The following PNISR variants were observed in gnomAD, a reference collection of about 807,000 sequenced individuals.
PNISR encodes PNN interacting serine and arginine rich protein.
Under a neutral mutation model 93.4 loss-of-function variants are expected in PNISR, and 20 were observed. The observed-to-expected ratio is 0.21, with a 90% confidence interval of 0.15 to 0.31. The LOEUF is 0.31. Among genes scored for constraint, PNISR ranks in the 10% least tolerant of loss-of-function variants. The pLI is 1.00. For synonymous variants in PNISR, 305 were observed against 306.5 expected (o/e 0.99, Z 0.05); for missense variants, 893 against 985.4 (o/e 0.91, Z 1.25).
At chr6:99,409,618 A>C in intron 5 of PNISR, 1 of 295,774 alleles carries the variant, frequency 3.4e-6, no homozygotes, top group South Asian at 5.8e-5. Context: ...GAATCCATTT[A>C]CAAGCTAATC....
chr6:99,419,909 G>T (rs1207191203), intron 1 of PNISR, among the ~76,000 whole-genome samples: 2 of 149,156 alleles, frequency 1.3e-5, no homozygotes, highest in Non-Finnish European at 3.0e-5. Context: ...TTTTGAGATG[G>T]AGTCTCGCTT....
rs1352047902 is a variant in PNISR at position 99,401,479 on chromosome 6, T to C, written c.1479A>G (p.Leu493=). The C allele has an allele frequency of 6.2e-7, 1 of 1,612,462 alleles. No homozygotes were observed. Among genetic ancestry groups the C allele is most frequent in the Non-Finnish European group, 8.5e-7 (1 of 1,179,648 alleles). ...TTTCTTTATGCTCTTTTTTTGGTTC[T>C]AAAACTGATGTGGTTTCATTTGGAG... ...KRTPNETTSV[L]EPKKEHKEKE... is the part of the protein sequence containing the mutation. The change falls in exon 12 of 12, where the codon TTA becomes TTG. Residue 493 remains leucine, a synonymous_variant. Transcript: ENST00000369239.
chr6:99,409,592 T>C (rs2128485025), intron 5 of PNISR: 2 of 347,028 alleles, frequency 5.8e-6, no homozygotes, highest in South Asian at 5.4e-5. Flanking sequence ...AAGAAGTATA[T>C]GAAATTTTTC....
chr6:99,403,046 A>C (rs1306353651), intron 10 of PNISR: 1 of 170,004 alleles, frequency 5.9e-6, no homozygotes, highest in Non-Finnish European at 1.2e-5. Context: ...TGACCCTGAA[A>C]GTATTTCTAA....
chr6:99,422,950 A>T (rs1283980592), intron 1 of PNISR, among the ~76,000 whole-genome samples: 1 of 151,918 alleles, frequency 6.6e-6, no homozygotes, highest in Non-Finnish European at 1.5e-5. Context: ...ATAATTTAAA[A>T]ATAAATGTAG....
At position 99,401,123 on chromosome 6, in the gene PNISR, G is replaced by T; in HGVS notation, c.1835C>A (p.Pro612His). Residue 612 changes from proline (P) to histidine (H), a missense_variant, in exon 12 of 12, where the codon CCT (proline) becomes CAT (histidine). Pro to His is a moderately conservative substitution (Grantham distance 77). Around this residue, in one of 3 missense-constraint regions of PNISR, gnomAD observed 866 missense variants for 935.1 expected, o/e 0.93. Transcript: ENST00000369239. Reference protein sequence around the residue: ...IERERRRNRSPSRERRRSRSR... With the variant: ...IERERRRNRSHSRERRRSRSR... ...TCTACTTCTACGTCTCTCTCGGGAA[G>T]GACTCCGATTTCGTCGTCTTTCTCT... 1 of 1,613,844 alleles carries T rather than the reference G, an allele frequency of 6.2e-7. No homozygotes were observed. Among genetic ancestry groups the T allele is most frequent in the Non-Finnish European group, 8.5e-7 (1 of 1,179,986 alleles).
intron 5 of PNISR, chr6:99,410,040 A>G (rs1210047216): frequency 2.6e-5 from 4 of 152,264 alleles, no homozygotes; most frequent in Non-Finnish European, 5.9e-5. Flanking sequence ...TCCATTATCA[A>G]ATCTACCCTA....
intron 10 of PNISR, 39 bp from the exon 11 acceptor site, chr6:99,402,749 T>C: frequency 1.4e-6 from 2 of 1,450,750 alleles, no homozygotes; most frequent in Non-Finnish European, 1.8e-6. Flanking sequence ...TGAAAAAAAT[T>C]ATACTATGCA....
chr6:99,408,809 T>A (rs1776475740), intron 6 of PNISR, among the ~76,000 whole-genome samples: 1 of 152,152 alleles, frequency 6.6e-6, no homozygotes, highest in Admixed American at 6.6e-5. Flanking sequence ...CAGCAGTGCA[T>A]CAGATGAACT....
rs1486891491 is a variant in PNISR at position 99,399,339 on chromosome 6, A to T, written c.*1201T>A. The T allele has an allele frequency of 6.6e-6, 1 of 152,096 alleles. No individual in the cohort carries two copies. Among genetic ancestry groups the T allele is most frequent in the African/African-American group, 2.4e-5 (1 of 41,430 alleles). 9.4% of individuals were successfully genotyped at this position (152,096 alleles called of 1,614,324 possible). A position where few individuals can be genotyped will look rare whatever the true frequency, so the allele number is the denominator to read the frequency against. On this transcript the variant is annotated 3_prime_UTR_variant, in exon 12 of 12. Transcript: ENST00000369239. ...CCTTAAACTGTTAGACCACTCACTA[A>T]TCATAATTTTAAGAAACGGACAAAA...
At chr6:99,413,742 A>C (rs1248551260) in intron 3 of PNISR, among the ~76,000 whole-genome samples, 1 of 151,438 alleles carries the variant, frequency 6.6e-6, no homozygotes, top group Non-Finnish European at 1.5e-5. Context: ...AAGTAGAATA[A>C]GATATGTTTT....
rs1775095215 is a variant in PNISR at position 99,398,309 on chromosome 6, C to G, written c.*2231G>C. The G allele has an allele frequency of 6.6e-6, 1 of 152,132 alleles. No homozygotes were observed. The highest frequency in any genetic ancestry group is 6.5e-5 in the Admixed American group (1 of 15,280). 9.4% of individuals were successfully genotyped at this position (152,132 alleles called of 1,614,324 possible). A position where few individuals can be genotyped will look rare whatever the true frequency, so the allele number is the denominator to read the frequency against. ...TATTATTTTAGAAAAGATTTCATAA[C>G]CAAATTATACATCTAATTAACTTAT... On this transcript the variant is annotated 3_prime_UTR_variant, in exon 12 of 12. Transcript: ENST00000369239.
rs1393023065 is a variant in PNISR at position 99,398,815 on chromosome 6, GCA to G, written c.*1723_*1724del. The G allele has an allele frequency of 4.6e-5, 7 of 151,942 alleles. No homozygotes were observed. Among genetic ancestry groups the G allele is most frequent in the Admixed American group, 2.6e-4 (4 of 15,246 alleles). The allele number at this position is 151,942 out of a possible 1,614,324, so 9.4% of individuals were successfully genotyped here. A position where few individuals can be genotyped will look rare whatever the true frequency, so the allele number is the denominator to read the frequency against. Reference sequence around the variant, plus strand: ...TTAGCTCGCCTACATAAAAAATATTGCACATTTTATTTTGTCTCCAGATGTGA... The same window carrying G: ...TTAGCTCGCCTACATAAAAAATATTGCATTTTATTTTGTCTCCAGATGTGA... On this transcript the variant is annotated 3_prime_UTR_variant, in exon 12 of 12. Transcript: ENST00000369239.
intron 11 of PNISR, 22 bp from the exon 12 acceptor site, chr6:99,401,652 A>C: frequency 6.7e-7 from 1 of 1,492,448 alleles, no homozygotes. Context: ...AAAGACAAAA[A>C]CACTAAGAAA....
intron 1 of PNISR, among the ~76,000 whole-genome samples, chr6:99,421,096 A>C (rs1327107924): frequency 6.6e-6 from 1 of 152,228 alleles, no homozygotes; most frequent in Non-Finnish European, 1.5e-5. Flanking sequence ...TTAATTTTAA[A>C]GCTTGTTAGG....
Position 99,406,087 on chromosome 6 carries a change from G to C in PNISR, c.946C>G (p.Pro316Ala). The C allele has an allele frequency of 6.2e-7, 1 of 1,610,974 alleles. No individual in the cohort carries two copies. The highest frequency in any genetic ancestry group is 8.5e-7 in the Non-Finnish European group (1 of 1,177,206). The stretch of plus-strand genomic sequence containing the variant: ...TCAGGGTCACTGTGCTCTTCTTGAG[G>C]AACTGGGGATGGACTTCTGGTGACT... Reference protein sequence around the residue: ...GKVTRSPSPVPQEEHSDPEMT... With the variant: ...GKVTRSPSPVAQEEHSDPEMT... Residue 316 changes from proline (P) to alanine (A), a missense_variant, in exon 8 of 12, where the codon CCT (proline) becomes GCT (alanine). Transcript: ENST00000369239.
At chr6:99,401,761 A>G (rs1775530890) in intron 11 of PNISR, 131 bp from the exon 12 acceptor site, 2 of 631,258 alleles carry the variant, frequency 3.2e-6, no homozygotes, top group Non-Finnish European at 4.7e-6. Flanking sequence ...CCATGTAAGT[A>G]ATTCAAAATT....
At chr6:99,405,538 G>A (rs1011430581) in intron 8 of PNISR, among the ~76,000 whole-genome samples, 1 of 152,096 alleles carries the variant, frequency 6.6e-6, no homozygotes, top group Non-Finnish European at 1.5e-5. Flanking sequence ...TATCTGTATA[G>A]TAGACACACT....
intron 6 of PNISR, 84 bp downstream of exon 6, chr6:99,409,089 C>CA: frequency 8.8e-7 from 1 of 1,141,320 alleles, no homozygotes; most frequent in Middle Eastern, 2.7e-4. Context: ...GATACTCAAA[C>CA]AATTTTAAGA....
Sources: gnomAD v4.1 joint callset for allele counts (sites outside exome capture counted in the v4.1 genomes callset) on GRCh38, gnomAD v4.1.1 for gene constraint, gnomAD v4.1.1 regional missense constraint, MANE v1.5 for transcripts, NCBI Gene and HGNC (gene_info 2026-07-23, HGNC 2026-07-21) for gene names.